MATCAP2: variants seen among roughly 807,000 people sequenced by gnomAD.
The protein encoded by MATCAP2 is microtubule associated tyrosine carboxypeptidase 2.
At chr7:36,355,161 C>T in the MATCAP2 span, 1 of 152,126 alleles carries the variant, frequency 6.6e-6, no homozygotes, top group African/African-American at 2.4e-5. Context: ...CACAAAAAAC[C>T]ACATGTAAGA....
the MATCAP2 span, among the ~76,000 whole-genome samples, chr7:36,360,235 T>C: frequency 1.3e-5 from 2 of 152,172 alleles, no homozygotes; most frequent in African/African-American, 2.4e-5. Context: ...CTGAGTTTTT[T>C]GTCGTAAAGC....
chr7:36,333,714 G>T, the MATCAP2 span: 1 of 678,146 alleles, frequency 1.5e-6, no homozygotes. Flanking sequence ...AATGTGGTTT[G>T]GGAAAACCAG....
chr7:36,382,852 G>A, the MATCAP2 span, among the ~76,000 whole-genome samples: 1 of 152,210 alleles, frequency 6.6e-6, no homozygotes, highest in African/African-American at 2.4e-5. Flanking sequence ...AAAAAGTATA[G>A]TGTGATAAGT....
At chr7:36,335,086 T>G in the MATCAP2 span, 4 of 1,613,782 alleles carry the variant, frequency 2.5e-6, no homozygotes, top group Non-Finnish European at 3.4e-6. Flanking sequence ...AATGCTCACG[T>G]GCAGTGGACA....
chr7:36,357,320 C>A, the MATCAP2 span: 3 of 1,614,148 alleles, frequency 1.9e-6, no homozygotes, highest in African/African-American at 2.7e-5. Flanking sequence ...TTTCATCCTG[C>A]GAGGATCTTT....
the MATCAP2 span, among the ~76,000 whole-genome samples, chr7:36,344,435 G>C: frequency 6.6e-5 from 10 of 152,296 alleles, no homozygotes; most frequent in South Asian, 2.1e-3. Context: ...CATGGGAAAA[G>C]AAAAATACTC....
At chr7:36,328,693 C>T in the MATCAP2 span, among the ~76,000 whole-genome samples, 16 of 151,348 alleles carry the variant, frequency 1.1e-4, no homozygotes, top group Admixed American at 2.0e-4. Flanking sequence ...TGCAGTGAGC[C>T]GAGATCACGC....
the MATCAP2 span, chr7:36,336,057 C>G: frequency 1.1e-6 from 1 of 922,038 alleles, no homozygotes; most frequent in South Asian, 3.2e-5. Flanking sequence ...GGCAACAGAG[C>G]GAGACTCCAT....
At chr7:36,389,864 G>C in the MATCAP2 span, 6 of 1,292,502 alleles carry the variant, frequency 4.6e-6, no homozygotes, top group Non-Finnish European at 6.6e-6. Flanking sequence ...CAGAGGCCGA[G>C]TCCGTCACTG....
the MATCAP2 span, among the ~76,000 whole-genome samples, chr7:36,380,020 T>C: frequency 2.0e-5 from 3 of 152,208 alleles, no homozygotes; most frequent in African/African-American, 7.2e-5. Context: ...TCTGAAATAA[T>C]GGCAAAATAA....
chr7:36,385,198 C>T, the MATCAP2 span, among the ~76,000 whole-genome samples: 4 of 152,150 alleles, frequency 2.6e-5, no homozygotes, highest in Non-Finnish European at 4.4e-5. Flanking sequence ...ATATACCATG[C>T]TCATAAATGG....
the MATCAP2 span, chr7:36,355,996 A>G: frequency 6.6e-6 from 1 of 152,220 alleles, no homozygotes; most frequent in Non-Finnish European, 1.5e-5. Flanking sequence ...TTCACATCAT[A>G]ATTTGCTAAA....
chr7:36,339,300 C>G, the MATCAP2 span, among the ~76,000 whole-genome samples: 1 of 152,180 alleles, frequency 6.6e-6, no homozygotes. Context: ...AGGCATATAT[C>G]ATTAAGTTAT....
At chr7:36,363,423 C>T in the MATCAP2 span, among the ~76,000 whole-genome samples, 1 of 152,192 alleles carries the variant, frequency 6.6e-6, no homozygotes, top group Non-Finnish European at 1.5e-5. Context: ...TAGATGCGTT[C>T]TATTTTGAAA....
the MATCAP2 span, among the ~76,000 whole-genome samples, chr7:36,351,879 A>G: frequency 2.7e-5 from 4 of 149,890 alleles, no homozygotes; most frequent in African/African-American, 7.4e-5. Flanking sequence ...CCAGGAGGTC[A>G]AGGCTGCAGT....
the MATCAP2 span, among the ~76,000 whole-genome samples, chr7:36,365,633 A>G: frequency 6.6e-6 from 1 of 152,162 alleles, no homozygotes; most frequent in South Asian, 2.1e-4. Flanking sequence ...TGGGAGGTGG[A>G]GATTGCAGTG....
the MATCAP2 span, among the ~76,000 whole-genome samples, chr7:36,330,432 A>C: frequency 6.6e-6 from 1 of 152,042 alleles, no homozygotes; most frequent in Non-Finnish European, 1.5e-5. Context: ...AAAAACAGAA[A>C]GAATGAGGCA....
the MATCAP2 span, among the ~76,000 whole-genome samples, chr7:36,372,103 A>C: frequency 4.6e-5 from 7 of 152,348 alleles, no homozygotes; most frequent in East Asian, 1.3e-3. Context: ...AATTTCTTAA[A>C]AAGAGGTTTT....
the MATCAP2 span, chr7:36,337,552 A>C: frequency 1.3e-5 from 2 of 152,278 alleles, no homozygotes; most frequent in East Asian, 3.9e-4. Context: ...AGACTAGTGA[A>C]GAGATTACAT....
Sources: gnomAD v4.1 joint callset for allele counts (sites outside exome capture counted in the v4.1 genomes callset) on GRCh38, gnomAD v4.1.1 for gene constraint, MANE v1.5 for transcripts, NCBI Gene and HGNC (gene_info 2026-07-23, HGNC 2026-07-21) for gene names.